MYO3B: variants seen among roughly 807,000 people sequenced by gnomAD.
The protein encoded by MYO3B is myosin IIIB, also known as myosin-IIIb.
In MYO3B, 156 loss-of-function variants were observed where a neutral mutation model predicts 174.6. That is an observed-to-expected ratio of 0.89 (90% CI 0.78 to 1.02). MYO3B has a LOEUF of 1.02. Ranked by LOEUF, MYO3B falls within the 50% of genes least tolerant of loss-of-function variation. MYO3B has a pLI of 0.00. For synonymous variants in MYO3B, 563 were observed against 569.1 expected, an observed-to-expected ratio of 0.99 and a Z score of 0.15; for missense variants, 1,632 against 1,639.4, an observed-to-expected ratio of 1.00 and a Z score of 0.08.
At position 170,317,196 on chromosome 2, in the gene MYO3B, G is replaced by A. The variant is rs192400384; in HGVS notation, c.750-18189G>A. On this transcript the variant is annotated intron_variant, in intron 7 of 34. Coordinates refer to ENST00000408978, the MANE Select transcript of MYO3B (RefSeq NM_138995.5). ...GTCTCATTGAGATGTGGTTATTACC[G>A]AGAAACCAAATAGTCCCCCACTGGA... Among the ~76,000 whole-genome samples, 374 of 152,222 alleles carry A rather than the reference G, an allele frequency of 2.5e-3. 5 individuals carry two copies. The highest frequency in any genetic ancestry group is 8.6e-3 in the African/African-American group (359 of 41,528).
Position 170,476,719 on chromosome 2 carries a change from C to T in MYO3B, c.3014+10008C>T, listed in dbSNP as rs111865888. The stretch of plus-strand genomic sequence containing the variant: ...GGTGCAAAATAGGGGATGTGGTGGG[C>T]CCAAAGGCAATTTTTTGGGTGCAAA... On this transcript the variant is annotated intron_variant, in intron 25 of 34. Coordinates refer to ENST00000408978, the MANE Select transcript of MYO3B (RefSeq NM_138995.5). Among the ~76,000 whole-genome samples the T allele has an allele frequency of 5.7e-3, 871 of 151,994 alleles. 6 individuals carry two copies. The highest frequency in any genetic ancestry group is 0.02 in the African/African-American group (833 of 41,462).
intron 32 of MYO3B, among the ~76,000 whole-genome samples, chr2:170,583,464 T>C (rs1369910884): frequency 6.6e-6 from 1 of 152,192 alleles, no homozygotes; most frequent in Non-Finnish European, 1.5e-5. Context: ...TTGGTTTTTT[T>C]TGAATTTTTA....
chr2:170,558,258 A>ACG (rs1691471389), intron 32 of MYO3B, among the ~76,000 whole-genome samples: 2 of 151,732 alleles, frequency 1.3e-5, no homozygotes, highest in African/African-American at 4.8e-5. Flanking sequence ...CTGAGATCGT[A>ACG]CCACTGTACT....
At chr2:170,594,360 A>G (rs1262596552) in intron 32 of MYO3B, among the ~76,000 whole-genome samples, 1 of 152,176 alleles carries the variant, frequency 6.6e-6, no homozygotes, top group Non-Finnish European at 1.5e-5. Context: ...GAGATGAGAG[A>G]TGAGGAGAGG....
chr2:170,430,115 G>C (rs1014931899), intron 22 of MYO3B, among the ~76,000 whole-genome samples: 3 of 151,548 alleles, frequency 2.0e-5, no homozygotes, highest in African/African-American at 4.9e-5. Context: ...GGGTTCTTCA[G>C]GGCTGAGTGC....
At position 170,199,276 on chromosome 2, in the gene MYO3B, C is replaced by T. The variant is rs757223915; in HGVS notation, c.71C>T (p.Thr24Ile). The T allele has an allele frequency of 3.7e-6, 6 of 1,613,278 alleles. No individual in the cohort carries two copies. The highest frequency in any genetic ancestry group is 3.3e-5 in the Admixed American group (2 of 59,962). The change falls in exon 2 of 35, where the codon ACA becomes ATA. Residue 24 changes from threonine (T) to isoleucine (I), a missense_variant. Coordinates refer to ENST00000408978, the MANE Select transcript of MYO3B (RefSeq NM_138995.5). ...GGACTTGAATCACTTCCAGATCCCA[C>T]AGACACCTGGGAAATTATAGAGACC... ...MLGLESLPDP[T>I]DTWEIIETIG...
chr2:170,241,646 AC>A (rs1036162852), intron 7 of MYO3B, among the ~76,000 whole-genome samples: 13 of 152,128 alleles, frequency 8.5e-5, no homozygotes, highest in Admixed American at 3.3e-4. Flanking sequence ...ATTTTTGGGA[AC>A]CCAGGGTCTG....
chr2:170,422,846 T>C (rs2094627552), intron 22 of MYO3B, among the ~76,000 whole-genome samples: 1 of 152,126 alleles, frequency 6.6e-6, no homozygotes, highest in South Asian at 2.1e-4. Flanking sequence ...ATATCAAAAG[T>C]ATTATTCAAC....
chr2:170,461,469 A>G (rs1684278893), intron 23 of MYO3B, among the ~76,000 whole-genome samples: 2 of 146,058 alleles, frequency 1.4e-5, no homozygotes, highest in South Asian at 4.3e-4. Flanking sequence ...TCAGTCTCAA[A>G]AAAAAAAAAA....
At chr2:170,643,853 A>G (rs564713714) in intron 32 of MYO3B, 3 of 152,208 alleles carry the variant, frequency 2.0e-5, no homozygotes, top group Admixed American at 6.6e-5. Flanking sequence ...CAAGCTGGGG[A>G]ATACGTGGGC....
chr2:170,440,073 G>A (rs2094788024), intron 22 of MYO3B, among the ~76,000 whole-genome samples: 1 of 152,142 alleles, frequency 6.6e-6, no homozygotes, highest in Non-Finnish European at 1.5e-5. Context: ...TCTTTTGTAT[G>A]TGGATATTCA....
chr2:170,447,315 C>T (rs976720972), intron 23 of MYO3B, among the ~76,000 whole-genome samples: 8 of 152,092 alleles, frequency 5.3e-5, no homozygotes, highest in African/African-American at 1.4e-4. Context: ...GTGGTGCTGT[C>T]GGGTTTTTTT....
intron 7 of MYO3B, among the ~76,000 whole-genome samples, chr2:170,244,052 C>T (rs1364530): frequency 0.55 from 83,313 of 152,026 alleles, 23,138 homozygotes; most frequent in East Asian, 0.71. Flanking sequence ...ATGTCTACAA[C>T]GAGTGGTGAT....
intron 32 of MYO3B, chr2:170,650,040 T>G (rs1698884926): frequency 7.8e-6 from 1 of 128,960 alleles, no homozygotes; most frequent in Non-Finnish European, 1.7e-5. Context: ...TTTTTTTTTT[T>G]TTTTTTTTGT....
intron 32 of MYO3B, among the ~76,000 whole-genome samples, chr2:170,627,257 T>C (rs1338235248): frequency 1.3e-5 from 2 of 152,174 alleles, no homozygotes; most frequent in Non-Finnish European, 2.9e-5. Flanking sequence ...TTTCTTTTTA[T>C]TCTTTTTTCT....
chr2:170,212,135 C>G (rs2092777063), intron 3 of MYO3B, among the ~76,000 whole-genome samples: 1 of 151,914 alleles, frequency 6.6e-6, no homozygotes, highest in Non-Finnish European at 1.5e-5. Flanking sequence ...CCCAGCTACT[C>G]TGGAGGCTGA....
intron 23 of MYO3B, among the ~76,000 whole-genome samples, chr2:170,461,731 G>A (rs181724020): frequency 2.6e-5 from 4 of 151,204 alleles, no homozygotes; most frequent in Non-Finnish European, 2.9e-5. Flanking sequence ...AGCTGAGATC[G>A]CGCCATTGCA....
intron 27 of MYO3B, 97 bp downstream of exon 27, chr2:170,499,905 C>T (rs1687131036): frequency 1.0e-6 from 1 of 977,344 alleles, no homozygotes; most frequent in Non-Finnish European, 1.5e-6. Flanking sequence ...TGGTTTCCCT[C>T]CCTCCCTTCC....
chr2:170,565,833 C>T (rs182420676), intron 32 of MYO3B, among the ~76,000 whole-genome samples: 118 of 152,192 alleles, frequency 7.8e-4, no homozygotes, highest in African/African-American at 2.5e-3. Context: ...ACAATACTTT[C>T]GATGAGAGAA....
Sources: allele counts gnomAD v4.1 joint callset (sites outside exome capture counted in the v4.1 genomes callset), GRCh38; gene constraint gnomAD v4.1.1; transcripts MANE v1.5; gene names NCBI Gene and HGNC (gene_info 2026-07-23, HGNC 2026-07-21).